Variants in ADGRB3 observed in about 807,000 individuals in gnomAD.
The protein encoded by ADGRB3 is brain-specific angiogenesis inhibitor 3.
In ADGRB3, 37 loss-of-function variants were observed where a neutral mutation model predicts 193.4. That is an observed-to-expected ratio of 0.19 (90% CI 0.15 to 0.25). ADGRB3 has a LOEUF of 0.25. ADGRB3 is among the 10% of genes least tolerant of loss of function. The pLI, the probability that ADGRB3 is intolerant of heterozygous loss-of-function variation, is 1.00. For missense variants in ADGRB3, 1,637 were observed against 1,852.9 expected, an observed-to-expected ratio of 0.88 and a Z score of 2.14; for synonymous variants, 690 against 644.2, an observed-to-expected ratio of 1.07 and a Z score of -1.08.
intron 26 of ADGRB3, among the ~76,000 whole-genome samples, chr6:69,342,210 A>C (rs1440907282): frequency 1.3e-5 from 2 of 152,174 alleles, no homozygotes; most frequent in Non-Finnish European, 2.9e-5. Context: ...TACTAATGGA[A>C]AATAAAAATA....
chr6:69,120,913 A>G (rs1298936376), intron 17 of ADGRB3, among the ~76,000 whole-genome samples: 1 of 152,174 alleles, frequency 6.6e-6, no homozygotes, highest in Non-Finnish European at 1.5e-5. Flanking sequence ...ACTTGCATGT[A>G]AAAAGAAAAG....
chr6:69,270,897 G>C (rs1294751852), intron 20 of ADGRB3, among the ~76,000 whole-genome samples: 4 of 152,034 alleles, frequency 2.6e-5, no homozygotes, highest in African/African-American at 9.7e-5. Flanking sequence ...ATTTTAAAGG[G>C]AAAAACTTAT....
chr6:68,890,473 T>C (rs568082216), intron 3 of ADGRB3, among the ~76,000 whole-genome samples: 22 of 152,332 alleles, frequency 1.4e-4, no homozygotes, highest in Non-Finnish European at 3.1e-4. Context: ...GTTACACTTA[T>C]TTTGATATCC....
chr6:68,872,582 G>A (rs1318987547), intron 3 of ADGRB3, among the ~76,000 whole-genome samples: 1 of 152,022 alleles, frequency 6.6e-6, no homozygotes, highest in Admixed American at 6.5e-5. Context: ...AGTTTGCCAG[G>A]ATTTAATGTT....
intron 3 of ADGRB3, among the ~76,000 whole-genome samples, chr6:68,808,704 A>G (rs1255207005): frequency 3.3e-5 from 5 of 150,970 alleles, no homozygotes; most frequent in African/African-American, 1.2e-4. Context: ...TCAATGGTAG[A>G]TATCATAAGG....
At chr6:68,804,453 AT>A (rs35305318) in intron 3 of ADGRB3, among the ~76,000 whole-genome samples, 11 of 152,160 alleles carry the variant, frequency 7.2e-5, no homozygotes, top group South Asian at 2.1e-4. Context: ...CATTAGAAGT[AT>A]TTTTTTTAAA....
At chr6:69,154,440 C>A (rs1774773368) in intron 17 of ADGRB3, among the ~76,000 whole-genome samples, 1 of 152,152 alleles carries the variant, frequency 6.6e-6, no homozygotes, top group South Asian at 2.1e-4. Context: ...TTCTCTTTAC[C>A]TTCTGTACCT....
chr6:69,075,079 T>C (rs934231498), intron 16 of ADGRB3, among the ~76,000 whole-genome samples: 1 of 152,166 alleles, frequency 6.6e-6, no homozygotes, highest in Non-Finnish European at 1.5e-5. Context: ...TAATACAATC[T>C]TAGTTTGCAT....
chr6:69,333,501 C>A (rs1768770901), intron 24 of ADGRB3, among the ~76,000 whole-genome samples: 1 of 151,938 alleles, frequency 6.6e-6, no homozygotes, highest in African/African-American at 2.4e-5. Context: ...CTATTTAGGT[C>A]TTATATTTTC....
chr6:69,321,310 T>G (rs911660585), intron 20 of ADGRB3, among the ~76,000 whole-genome samples: 1 of 151,776 alleles, frequency 6.6e-6, no homozygotes, highest in South Asian at 2.1e-4. Flanking sequence ...ATTCATCAGC[T>G]GTGACACTGA....
chr6:68,986,667 G>A (rs1432756566), intron 10 of ADGRB3, among the ~76,000 whole-genome samples: 4 of 152,050 alleles, frequency 2.6e-5, no homozygotes, highest in African/African-American at 9.7e-5. Flanking sequence ...ATTAAAAGAT[G>A]TATATTTAGA....
intron 3 of ADGRB3, among the ~76,000 whole-genome samples, chr6:68,866,500 G>C (rs187036673): frequency 6.6e-6 from 1 of 152,282 alleles, no homozygotes; most frequent in Non-Finnish European, 1.5e-5. Flanking sequence ...ATACAGAAAA[G>C]TGGTACCACG....
At chr6:69,181,778 A>G (rs1408048224) in intron 17 of ADGRB3, among the ~76,000 whole-genome samples, 1 of 152,198 alleles carries the variant, frequency 6.6e-6, no homozygotes, top group African/African-American at 2.4e-5. Context: ...CTTTCTTTGA[A>G]AGTTCATAGT....
rs530530272 is a variant in ADGRB3 at position 68,689,131 on chromosome 6, G to T, written c.757+49699G>T. On this transcript the variant is annotated intron_variant, in intron 3 of 31. Coordinates refer to ENST00000370598, the MANE Select transcript of ADGRB3 (RefSeq NM_001704.3). ...CAGAGTTAAGGGTGAAGTGCCCAAG[G>T]AAAAGCAACAGTGGGAAGTTGTCAG... 3.3e-5 allele frequency among the ~76,000 whole-genome samples: 5 copies of T among 152,242 alleles called. No individual in the cohort carries two copies. The South Asian group carries it at 1.0e-3, about 32-fold the overall frequency.
chr6:68,939,004 A>G (rs1484149752), intron 5 of ADGRB3, among the ~76,000 whole-genome samples: 1 of 152,192 alleles, frequency 6.6e-6, no homozygotes, highest in East Asian at 1.9e-4. Context: ...TTTTCCATTC[A>G]GAGTCTACTT....
intron 17 of ADGRB3, among the ~76,000 whole-genome samples, chr6:69,100,070 C>T (rs549739659): frequency 1.3e-5 from 2 of 152,318 alleles, no homozygotes; most frequent in South Asian, 4.1e-4. Flanking sequence ...AACAAATTAA[C>T]TCATAGTATT....
chr6:68,920,237 G>A (rs898907268), intron 3 of ADGRB3, among the ~76,000 whole-genome samples: 2 of 152,090 alleles, frequency 1.3e-5, no homozygotes, highest in African/African-American at 2.4e-5. Context: ...AAAAGCGGGG[G>A]CCAGGTGCGG....
intron 17 of ADGRB3, among the ~76,000 whole-genome samples, chr6:69,190,320 C>T (rs923007872): frequency 2.6e-5 from 4 of 151,748 alleles, no homozygotes; most frequent in Non-Finnish European, 5.9e-5. Flanking sequence ...CTGACGATCC[C>T]GACCCTGGGT....
chr6:69,051,924 T>G (rs1032568250), intron 15 of ADGRB3, among the ~76,000 whole-genome samples: 88 of 152,342 alleles, frequency 5.8e-4, no homozygotes, highest in African/African-American at 1.9e-3. Flanking sequence ...AGACGGAGTC[T>G]CGCTCTGTTG....
Sources: gnomAD v4.1 joint callset for allele counts (sites outside exome capture counted in the v4.1 genomes callset) on GRCh38, gnomAD v4.1.1 for gene constraint, MANE v1.5 for transcripts, NCBI Gene and HGNC (gene_info 2026-07-23, HGNC 2026-07-21) for gene names.